CTNNA2: variants seen among roughly 807,000 people sequenced by gnomAD.
CTNNA2 encodes the protein catenin alpha 2.
CTNNA2 carries 42 observed loss-of-function variants against 101.0 expected under a neutral mutation model. The ratio of observed to expected loss-of-function variants is 0.42; its 90% confidence interval spans 0.32 to 0.54. CTNNA2 has a LOEUF of 0.54. CTNNA2 is among the 20% of genes least tolerant of loss of function. The pLI is 0.14. For synonymous variants in CTNNA2, 450 were observed against 456.4 expected (o/e 0.99, Z 0.18); for missense variants, 871 against 1,223.1 (o/e 0.71, Z 4.29).
chr2:79,295,628 A>G (rs1028884786), intron 2 of CTNNA2, among the ~76,000 whole-genome samples: 4 of 151,534 alleles, frequency 2.6e-5, no homozygotes, highest in African/African-American at 9.7e-5. Flanking sequence ...GAGACTTCTT[A>G]AAATCTCTTT....
intron 7 of CTNNA2, among the ~76,000 whole-genome samples, chr2:80,306,925 G>A (rs546063988): frequency 6.6e-6 from 1 of 152,164 alleles, no homozygotes; most frequent in Non-Finnish European, 1.5e-5. Context: ...CAGAAGAGTT[G>A]AGTGTTGGCA....
intron 1 of CTNNA2, among the ~76,000 whole-genome samples, chr2:79,646,840 C>T (rs183173687): frequency 4.6e-5 from 7 of 152,194 alleles, no homozygotes; most frequent in African/African-American, 1.2e-4. Context: ...AAACTTTTCA[C>T]GAAGAAACTC....
At chr2:80,006,242 C>T (rs1693336664) in intron 7 of CTNNA2, among the ~76,000 whole-genome samples, 1 of 151,414 alleles carries the variant, frequency 6.6e-6, no homozygotes, top group Admixed American at 6.6e-5. Flanking sequence ...AATCATGATT[C>T]TAGATATGCA....
At chr2:79,771,633 C>A (rs527371740) in intron 3 of CTNNA2, among the ~76,000 whole-genome samples, 8 of 152,246 alleles carry the variant, frequency 5.3e-5, no homozygotes, top group African/African-American at 1.7e-4. Context: ...ACAAGAGGGT[C>A]CACTCTCCTA....
intron 3 of CTNNA2, among the ~76,000 whole-genome samples, chr2:79,822,808 T>C (rs1249040432): frequency 6.6e-6 from 1 of 152,164 alleles, no homozygotes; most frequent in Non-Finnish European, 1.5e-5. Flanking sequence ...GGAATCTCTC[T>C]GTACGCTTAA....
chr2:79,930,262 GAA>G lies in CTNNA2; in HGVS notation c.1056+20467_1056+20468del, dbSNP rs1558650571. Among the ~76,000 whole-genome samples the G allele has an allele frequency of 8.1e-3, 325 of 39,992 alleles. 8 individuals carry two copies. Among genetic ancestry groups the G allele is most frequent in the African/African-American group, 0.019 (308 of 16,548 alleles). 26.2% of individuals were successfully genotyped at this position (39,992 alleles called of 152,430 possible). ...TGTCTCAAAGAAAGAAAGAAAGAAAGAAAGAAAGAAAGAAAGAGAGAGAGAGA... is the reference window on the plus strand; with the variant it reads ...TGTCTCAAAGAAAGAAAGAAAGAAAGAGAAAGAAAGAAAGAGAGAGAGAGA... On this transcript the variant is annotated intron_variant, in intron 7 of 18. Transcript: ENST00000402739.
chr2:80,266,048 G>A (rs1005923467), intron 7 of CTNNA2, among the ~76,000 whole-genome samples: 1 of 152,114 alleles, frequency 6.6e-6, no homozygotes, highest in Admixed American at 6.6e-5. Flanking sequence ...AAAATTGAGG[G>A]CTTCAATTTC....
rs537525959 is a variant in CTNNA2, at chr2:80,647,915, C to CTTTCTTTTTCTTTT, written c.*45_*58dup. 6.7e-5 allele frequency: 102 copies of CTTTCTTTTTCTTTT among 1,515,742 alleles called. No homozygotes were observed. The highest frequency in any genetic ancestry group is 7.5e-5 in the Non-Finnish European group (85 of 1,132,200). The allele number at this position is 1,515,742 out of a possible 1,614,324, so 93.9% of individuals were successfully genotyped here. A position where few individuals can be genotyped will look rare whatever the true frequency, so the allele number is the denominator to read the frequency against. ...AGAAAGCTTTTTCTTTCTTTTCTTT[C>CTTTCTTTTTCTTTT]TTTCTTTTTCTTTTTAATTCCATTT... On this transcript the variant is annotated 3_prime_UTR_variant, in exon 19 of 19. Coordinates refer to ENST00000402739, the MANE Select transcript of CTNNA2 (RefSeq NM_001282597.3).
intron 2 of CTNNA2, among the ~76,000 whole-genome samples, chr2:79,242,989 T>TACACACACACACACAC (rs1443193633): frequency 1.1e-5 from 1 of 92,108 alleles, no homozygotes; most frequent in Non-Finnish European, 2.5e-5. Flanking sequence ...TATATATATA[T>TACACACACACACACAC]ATATACACAC....
intron 4 of CTNNA2, among the ~76,000 whole-genome samples, chr2:79,437,277 T>G (rs1370646041): frequency 6.6e-6 from 1 of 152,020 alleles, no homozygotes; most frequent in African/African-American, 2.4e-5. Flanking sequence ...ATAGATAGAT[T>G]TATTTGTATA....
intron 2 of CTNNA2, among the ~76,000 whole-genome samples, chr2:79,248,558 G>A (rs1245707510): frequency 6.6e-6 from 1 of 152,076 alleles, no homozygotes; most frequent in Non-Finnish European, 1.5e-5. Flanking sequence ...GAGGAGTGCA[G>A]GCCTAGAAGA....
At chr2:79,301,180 T>C (rs547028698) in intron 2 of CTNNA2, among the ~76,000 whole-genome samples, 1 of 152,352 alleles carries the variant, frequency 6.6e-6, no homozygotes, top group Non-Finnish European at 1.5e-5. Flanking sequence ...CAATAAACCT[T>C]GTCCATATCT....
chr2:79,948,511 A>T (rs190231586), intron 7 of CTNNA2, among the ~76,000 whole-genome samples: 1 of 152,378 alleles, frequency 6.6e-6, no homozygotes, highest in East Asian at 1.9e-4. Context: ...TGCTGCAAAC[A>T]GTGCATGGCG....
At chr2:80,241,898 C>T (rs1168405755) in intron 7 of CTNNA2, among the ~76,000 whole-genome samples, 2 of 152,002 alleles carry the variant, frequency 1.3e-5, no homozygotes, top group Non-Finnish European at 2.9e-5. Context: ...TATTAGTTAC[C>T]GACTCAAGAC....
chr2:79,867,227 C>A (rs962977292), intron 4 of CTNNA2, among the ~76,000 whole-genome samples: 1 of 152,122 alleles, frequency 6.6e-6, no homozygotes, highest in Admixed American at 6.5e-5. Context: ...GTTCAAAATC[C>A]TTGACTGTTC....
chr2:80,033,503 AG>A (rs1695441772), intron 7 of CTNNA2, among the ~76,000 whole-genome samples: 1 of 152,102 alleles, frequency 6.6e-6, no homozygotes, highest in Non-Finnish European at 1.5e-5. Context: ...GAAGCCCAGG[AG>A]GTTGAGGCTG....
At chr2:79,399,100 A>T (rs1436015004) in intron 4 of CTNNA2, among the ~76,000 whole-genome samples, 1 of 152,140 alleles carries the variant, frequency 6.6e-6, no homozygotes, top group Non-Finnish European at 1.5e-5. Context: ...GACCAGACTC[A>T]GAGTTAGCTT....
intron 7 of CTNNA2, among the ~76,000 whole-genome samples, chr2:80,128,153 C>A (rs1702236152): frequency 1.3e-5 from 2 of 152,098 alleles, no homozygotes; most frequent in African/African-American, 4.8e-5. Flanking sequence ...CTCAGGGTAT[C>A]AGCCACTGGC....
rs976960107 is a variant in CTNNA2 at position 80,444,010 on chromosome 2, G to C, written c.1290+24409G>C. 3.9e-5 allele frequency among the ~76,000 whole-genome samples: 6 copies of C among 152,218 alleles called. No homozygotes were observed. In the East Asian group the frequency reaches 1.2e-3, roughly 30 times the overall value. ...ACATGAATAGGTTAAAATTTTGTAA[G>C]GTCTGCTATTTGGTAAGAGACAAAG... On this transcript the variant is annotated intron_variant, in intron 9 of 18. Coordinates refer to ENST00000402739, the MANE Select transcript of CTNNA2 (RefSeq NM_001282597.3).
Sources: gnomAD v4.1 joint callset for allele counts (sites outside exome capture counted in the v4.1 genomes callset) on GRCh38, gnomAD v4.1.1 for gene constraint, MANE v1.5 for transcripts, NCBI Gene and HGNC (gene_info 2026-07-23, HGNC 2026-07-21) for gene names.